Variants in MECOM observed in about 807,000 individuals in gnomAD.
The protein encoded by MECOM is MDS1 and EVI1 complex locus, also known as histone-lysine N-methyltransferase MECOM.
MECOM carries 13 observed loss-of-function variants against 116.3 expected under a neutral mutation model. The ratio of observed to expected loss-of-function variants is 0.11; its 90% CI spans 0.07 to 0.18. The LOEUF is 0.18. Among genes scored for constraint, MECOM ranks in the 10% least tolerant of loss-of-function variants. The pLI is 1.00. For missense variants in MECOM, 1,299 were observed against 1,509.0 expected (o/e 0.86, Z 2.31); for synonymous variants, 528 against 535.2 (o/e 0.99, Z 0.19).
chr3:169,158,400 C>T (rs948665235), intron 2 of MECOM, among the ~76,000 whole-genome samples: 1 of 152,058 alleles, frequency 6.6e-6, no homozygotes, highest in African/African-American at 2.4e-5. Flanking sequence ...AAACGGAAGG[C>T]AGGGAGTATG....
chr3:169,632,214 A>C (rs1055756859), intron 1 of MECOM, among the ~76,000 whole-genome samples: 1 of 102,442 alleles, frequency 9.8e-6, no homozygotes, highest in Non-Finnish European at 2.2e-5. Context: ...TATATTCAAA[A>C]CACATGTTTT....
Position 169,209,546 on chromosome 3 carries a change from G to A in MECOM, c.376-65714C>T, listed in dbSNP as rs572044544. Among the ~76,000 whole-genome samples the A allele has an allele frequency of 4.6e-5, 7 of 152,162 alleles. No homozygotes were observed. In the South Asian group the frequency reaches 1.5e-3, roughly 32 times the overall value. On this transcript the variant is annotated intron_variant, in intron 2 of 16. Transcript: ENST00000651503. ...CAACCCCATCAAACAGTGGGCAAAG[G>A]ATATGAACAGACAACTCAAAATAAG...
chr3:169,244,567 G>T (rs1381806344), intron 2 of MECOM, among the ~76,000 whole-genome samples: 2 of 152,142 alleles, frequency 1.3e-5, no homozygotes, highest in Admixed American at 6.5e-5. Flanking sequence ...TGGGGATTCG[G>T]TCCATGTGAA....
At chr3:169,267,047 T>C (rs1181311313) in intron 2 of MECOM, among the ~76,000 whole-genome samples, 1 of 152,228 alleles carries the variant, frequency 6.6e-6, no homozygotes, top group Non-Finnish European at 1.5e-5. Flanking sequence ...CTTATGGACA[T>C]GCACTATTTT....
chr3:169,604,939 C>A (rs2109774524), intron 1 of MECOM, among the ~76,000 whole-genome samples: 1 of 152,284 alleles, frequency 6.6e-6, no homozygotes, highest in Non-Finnish European at 1.5e-5. Flanking sequence ...CAGCATGAAT[C>A]CTATTTAAGA....
At chr3:169,522,724 T>C (rs1402485246) in intron 1 of MECOM, among the ~76,000 whole-genome samples, 1 of 152,198 alleles carries the variant, frequency 6.6e-6, no homozygotes, top group African/African-American at 2.4e-5. Flanking sequence ...ATGGATGGTG[T>C]GTGTAACTCA....
chr3:169,253,920 A>G (rs1756552766), intron 2 of MECOM, among the ~76,000 whole-genome samples: 1 of 152,164 alleles, frequency 6.6e-6, no homozygotes, highest in African/African-American at 2.4e-5. Context: ...AATTGAATCC[A>G]ATAGCATAAT....
At chr3:169,380,872 T>C (rs1473866154) in intron 2 of MECOM, among the ~76,000 whole-genome samples, 3 of 152,218 alleles carry the variant, frequency 2.0e-5, no homozygotes, top group Admixed American at 2.0e-4. Context: ...TGTTTGCTAA[T>C]GCCACATGCT....
intron 1 of MECOM, among the ~76,000 whole-genome samples, chr3:169,382,730 G>A (rs1046865785): frequency 1.3e-5 from 2 of 151,544 alleles, no homozygotes; most frequent in Non-Finnish European, 2.9e-5. Flanking sequence ...GTATGCGCCT[G>A]TAGTCCCAGC....
At chr3:169,280,979 G>A (rs987556296) in intron 2 of MECOM, among the ~76,000 whole-genome samples, 7 of 152,188 alleles carry the variant, frequency 4.6e-5, no homozygotes, top group Non-Finnish European at 8.8e-5. Flanking sequence ...CTCTCCTCCC[G>A]CAGGAACCAG....
At chr3:169,364,995 T>A (rs1312160339) in intron 2 of MECOM, among the ~76,000 whole-genome samples, 2 of 152,064 alleles carry the variant, frequency 1.3e-5, no homozygotes, top group Non-Finnish European at 2.9e-5. Flanking sequence ...GCTTGTCAGT[T>A]CTCTTATTAA....
intron 2 of MECOM, among the ~76,000 whole-genome samples, chr3:169,158,116 A>T (rs1386683203): frequency 1.3e-5 from 2 of 152,200 alleles, no homozygotes; most frequent in Admixed American, 6.5e-5. Flanking sequence ...TTCTCAAAAA[A>T]AGTGTTGATT....
At chr3:169,349,561 A>G (rs568845475) in intron 2 of MECOM, among the ~76,000 whole-genome samples, 5 of 152,044 alleles carry the variant, frequency 3.3e-5, no homozygotes, top group African/African-American at 1.2e-4. Context: ...TTGTTATCAT[A>G]TGACTCAAAT....
intron 2 of MECOM, among the ~76,000 whole-genome samples, chr3:169,191,604 A>T (rs1193681836): frequency 1.3e-5 from 2 of 151,176 alleles, no homozygotes; most frequent in Non-Finnish European, 3.0e-5. Flanking sequence ...AGAAAGAACG[A>T]AGGAAGGAGG....
At chr3:169,220,577 C>T (rs984513056) in intron 2 of MECOM, among the ~76,000 whole-genome samples, 4 of 152,036 alleles carry the variant, frequency 2.6e-5, no homozygotes, top group Admixed American at 6.6e-5. Flanking sequence ...CAGGTTCTAG[C>T]GATTCTCCTG....
intron 4 of MECOM, among the ~76,000 whole-genome samples, chr3:169,128,934 A>T (rs1037761407): frequency 6.6e-6 from 1 of 152,190 alleles, no homozygotes; most frequent in East Asian, 1.9e-4. Context: ...ACACAGATAC[A>T]ATCACAGAAG....
chr3:169,533,387 T>C (rs1195947561), intron 1 of MECOM, among the ~76,000 whole-genome samples: 1 of 152,128 alleles, frequency 6.6e-6, no homozygotes, highest in Non-Finnish European at 1.5e-5. Flanking sequence ...ACGGAAAATG[T>C]ATGGTCTTTT....
chr3:169,592,532 C>A (rs887819907), intron 1 of MECOM, among the ~76,000 whole-genome samples: 3 of 152,188 alleles, frequency 2.0e-5, no homozygotes, highest in Non-Finnish European at 4.4e-5. Flanking sequence ...CTCTCTAGTT[C>A]CCCTAAATCC....
intron 1 of MECOM, among the ~76,000 whole-genome samples, chr3:169,551,965 A>T (rs1761452487): frequency 6.6e-6 from 1 of 152,124 alleles, no homozygotes; most frequent in Non-Finnish European, 1.5e-5. Flanking sequence ...AATGCTACAT[A>T]CTGTGTGATT....
Sources: allele counts gnomAD v4.1 joint callset (sites outside exome capture counted in the v4.1 genomes callset), GRCh38; gene constraint gnomAD v4.1.1; transcripts MANE v1.5; gene names NCBI Gene and HGNC (gene_info 2026-07-23, HGNC 2026-07-21).